UNC13C: variants seen among roughly 807,000 people sequenced by gnomAD.
The protein encoded by UNC13C is unc-13 homolog C.
A neutral mutation model predicts 245.4 loss-of-function variants in UNC13C; 174 were observed. The observed-to-expected ratio is 0.71, with a 90% CI of 0.63 to 0.80. The LOEUF is 0.80. Ranked by LOEUF, UNC13C falls within the 30% of genes least tolerant of loss-of-function variation. The pLI is 0.00. For synonymous variants in UNC13C, 992 were observed against 895.1 expected (o/e 1.11, Z -1.93); for missense variants, 2,829 against 2,602.9 (o/e 1.09, Z -1.89).
chr15:54,243,700 T>C (rs2035920143), intron 7 of UNC13C, among the ~76,000 whole-genome samples: 1 of 152,214 alleles, frequency 6.6e-6, no homozygotes, highest in African/African-American at 2.4e-5. Context: ...CTAATTGTGG[T>C]TTTGATTTGC....
intron 4 of UNC13C, among the ~76,000 whole-genome samples, chr15:54,147,380 C>T (rs113056119): frequency 0.029 from 4,411 of 152,014 alleles, 83 homozygotes; most frequent in Middle Eastern, 0.088. Context: ...CCACCACGCC[C>T]GGCCATTTTT....
chr15:54,510,705 C>G (rs1235976427), intron 23 of UNC13C, among the ~76,000 whole-genome samples: 1 of 152,092 alleles, frequency 6.6e-6, no homozygotes, highest in African/African-American at 2.4e-5. Flanking sequence ...AGAGCTAACA[C>G]CTCTCTGACA....
intron 2 of UNC13C, among the ~76,000 whole-genome samples, chr15:54,095,760 A>G (rs138484194): frequency 1.3e-5 from 2 of 152,362 alleles, no homozygotes; most frequent in African/African-American, 4.8e-5. Context: ...CAACAGTATT[A>G]TTCAACAAAT....
At chr15:54,173,330 A>C (rs2033485320) in intron 4 of UNC13C, among the ~76,000 whole-genome samples, 1 of 152,082 alleles carries the variant, frequency 6.6e-6, no homozygotes, top group Non-Finnish European at 1.5e-5. Context: ...CCTTAAAAAT[A>C]CTGAGTGTTC....
At chr15:54,236,946 AC>A (rs1253415951) in intron 6 of UNC13C, among the ~76,000 whole-genome samples, 1 of 152,126 alleles carries the variant, frequency 6.6e-6, no homozygotes, top group Non-Finnish European at 1.5e-5. Flanking sequence ...TCTCCATAGC[AC>A]TGCTGAGTTT....
intron 26 of UNC13C, among the ~76,000 whole-genome samples, chr15:54,539,429 C>A (rs1000539842): frequency 6.6e-6 from 1 of 151,900 alleles, no homozygotes; most frequent in Non-Finnish European, 1.5e-5. Context: ...TTCCTCATTT[C>A]TTTAGTTAGT....
chr15:54,452,406 A>G (rs1891228300), intron 19 of UNC13C, among the ~76,000 whole-genome samples: 1 of 152,114 alleles, frequency 6.6e-6, no homozygotes, highest in African/African-American at 2.4e-5. Context: ...TGGCTGAGAC[A>G]GGCTGGGCAA....
chr15:53,885,904 C>T, the UNC13C span, among the ~76,000 whole-genome samples: 20 of 152,112 alleles, frequency 1.3e-4, no homozygotes, highest in Non-Finnish European at 2.5e-4. Context: ...GGTTGTTTCT[C>T]GTTGGGTATG....
intron 24 of UNC13C, chr15:54,512,207 T>G (rs1894774186): frequency 2.5e-6 from 1 of 396,878 alleles, no homozygotes; most frequent in Admixed American, 3.0e-5. Flanking sequence ...TTCTGCAATA[T>G]GCTTTGTGGT....
the UNC13C span, among the ~76,000 whole-genome samples, chr15:53,864,904 G>T: frequency 3.9e-5 from 6 of 152,144 alleles, no homozygotes; most frequent in African/African-American, 1.4e-4. Context: ...AGACAAATCT[G>T]AGTCTATATA....
intron 19 of UNC13C, among the ~76,000 whole-genome samples, chr15:54,450,017 T>C (rs1891079713): frequency 6.6e-6 from 1 of 152,224 alleles, no homozygotes; most frequent in African/African-American, 2.4e-5. Flanking sequence ...TCCAGGTCTG[T>C]TGGAGTTTGC....
intron 19 of UNC13C, among the ~76,000 whole-genome samples, chr15:54,485,543 C>T (rs1893359249): frequency 1.3e-5 from 2 of 152,194 alleles, no homozygotes; most frequent in South Asian, 2.1e-4. Context: ...TCCACTTTCT[C>T]ATCCCTGTCT....
intron 25 of UNC13C, among the ~76,000 whole-genome samples, chr15:54,531,006 T>C (rs1895713942): frequency 2.0e-5 from 3 of 152,154 alleles, no homozygotes; most frequent in Admixed American, 6.6e-5. Flanking sequence ...TAGGAAATTA[T>C]TGCACAGGTT....
intron 18 of UNC13C, among the ~76,000 whole-genome samples, chr15:54,413,616 A>G (rs1430240533): frequency 6.6e-6 from 1 of 152,178 alleles, no homozygotes; most frequent in African/African-American, 2.4e-5. Context: ...CTTCTGATTT[A>G]AGTTTTAAAA....
At chr15:53,917,737 G>A in the UNC13C span, among the ~76,000 whole-genome samples, 16 of 152,290 alleles carry the variant, frequency 1.1e-4, no homozygotes, top group Non-Finnish European at 8.8e-5. Flanking sequence ...AACTGGATGG[G>A]CAAGGAATGT....
Position 54,627,396 on chromosome 15 carries a change from A to T in UNC13C, c.*283A>T, listed in dbSNP as rs1408257215. ...ACCCATTTCACATTCATTAAACATAATTTTTAAAAACTAGTCTTTTGAGTT... is the reference window on the plus strand; with the variant it reads ...ACCCATTTCACATTCATTAAACATATTTTTTAAAAACTAGTCTTTTGAGTT... On this transcript the variant is annotated 3_prime_UTR_variant, in exon 33 of 33. Coordinates refer to ENST00000260323, the MANE Select transcript of UNC13C (RefSeq NM_001080534.3). The T allele has an allele frequency of 4.2e-6, 1 of 238,330 alleles. No individual in the cohort carries two copies. The highest frequency in any genetic ancestry group is 8.2e-6 in the Non-Finnish European group (1 of 122,690). The allele number at this position is 238,330 out of a possible 1,614,324, so 14.8% of individuals were successfully genotyped here.
chr15:54,582,395 T>A (rs545893059), intron 30 of UNC13C, among the ~76,000 whole-genome samples: 1 of 152,288 alleles, frequency 6.6e-6, no homozygotes, highest in South Asian at 2.1e-4. Context: ...TAAGTGACTA[T>A]GTCTACTAAG....
At chr15:54,010,238 A>G (rs941605958) in intron 1 of UNC13C, among the ~76,000 whole-genome samples, 6 of 152,242 alleles carry the variant, frequency 3.9e-5, no homozygotes, top group African/African-American at 1.4e-4. Context: ...AAAGGAATAT[A>G]AAAATTTAAA....
chr15:54,339,750 T>G (rs2038683955), intron 17 of UNC13C, among the ~76,000 whole-genome samples: 1 of 152,136 alleles, frequency 6.6e-6, no homozygotes, highest in South Asian at 2.1e-4. Flanking sequence ...GCTATAAACC[T>G]GCATGTGCAA....
Sources: gnomAD v4.1 joint callset for allele counts (sites outside exome capture counted in the v4.1 genomes callset) on GRCh38, gnomAD v4.1.1 for gene constraint, MANE v1.5 for transcripts, NCBI Gene and HGNC (gene_info 2026-07-23, HGNC 2026-07-21) for gene names.